The following DHRSX variants were observed in gnomAD, a reference collection of about 807,000 sequenced individuals.
The protein encoded by DHRSX is polyprenol dehydrogenase.
A neutral mutation model predicts 34.0 loss-of-function variants in DHRSX; 31 were observed. That is an observed-to-expected ratio of 0.91 (90% CI 0.69 to 1.23). The LOEUF (loss-of-function observed/expected upper bound fraction) is 1.23, where lower values mean the gene tolerates loss of function less well. Ranked by LOEUF, DHRSX falls within the 50% of genes most tolerant of loss-of-function variation. The probability of loss-of-function intolerance (pLI) is 0.00; values close to 1 mark genes in which losing one functional copy is unlikely to be tolerated. For missense variants in DHRSX, 414 were observed against 428.1 expected (o/e 0.97, Z 0.29); for synonymous variants, 201 against 183.8 (o/e 1.09, Z -0.76).
intron 3 of DHRSX, among the ~76,000 whole-genome samples, 184 bp from the exon 4 acceptor site, chrX:2,291,787 C>A (rs962635916): frequency 2.0e-5 from 3 of 151,928 alleles, no homozygotes; most frequent in Non-Finnish European, 4.4e-5. Context: ...GATCTCAGCT[C>A]ACTGCAGCCT....
chrX:2,408,634 T>C (rs1190455235), intron 3 of DHRSX, 111 bp downstream of exon 3: 25 of 917,890 alleles, frequency 2.7e-5, no homozygotes, highest in Non-Finnish European at 4.2e-5. Flanking sequence ...CAGAGCCATC[T>C]CTCCCAAATG....
At chrX:2,347,180 G>A (rs1369320155) in intron 3 of DHRSX, among the ~76,000 whole-genome samples, 1 of 152,190 alleles carries the variant, frequency 6.6e-6, no homozygotes, top group East Asian at 1.9e-4. Context: ...GTTCCACGTG[G>A]CTGGGGAAGC....
rs185920578 is a variant in DHRSX at position 2,266,729 on chromosome X, G to C, written c.596+11C>G. 1.5e-4 allele frequency: 236 copies of C among 1,613,536 alleles called. No homozygotes were observed. The African/African-American group carries it at 2.9e-3, about 20-fold the overall frequency. ...GAGATGCTGTTATGATTATTCACAG[G>C]GTGCACCTACCTGCTCTGAAGGTCA... is the stretch of plus-strand genomic sequence containing the variant. On this transcript the variant is annotated intron_variant, in intron 5 of 6. Coordinates refer to ENST00000334651, the MANE Select transcript of DHRSX (RefSeq NM_145177.3).
At chrX:2,446,319 A>C (rs2124671570) in intron 1 of DHRSX, among the ~76,000 whole-genome samples, 1 of 151,740 alleles carries the variant, frequency 6.6e-6, no homozygotes, top group South Asian at 2.1e-4. Flanking sequence ...TAGGCACTGA[A>C]GACATTCCCT....
chrX:2,382,501 CCAT>C (rs1399320680), intron 3 of DHRSX, among the ~76,000 whole-genome samples: 17 of 142,436 alleles, frequency 1.2e-4, no homozygotes, highest in African/African-American at 3.4e-4. Context: ...ATCATCATTA[CCAT>C]CATCACCATC....
chrX:2,296,349 G>T (rs1280760783), intron 3 of DHRSX, among the ~76,000 whole-genome samples: 2 of 152,142 alleles, frequency 1.3e-5, no homozygotes, highest in Non-Finnish European at 2.9e-5. Context: ...AGGGAGGGGA[G>T]GGAAGGAGAG....
At chrX:2,340,898 G>A (rs961404245) in intron 3 of DHRSX, among the ~76,000 whole-genome samples, 1 of 152,088 alleles carries the variant, frequency 6.6e-6, no homozygotes, top group African/African-American at 2.4e-5. Flanking sequence ...TGTTTTGCAG[G>A]TGGAGAGAAG....
At chrX:2,294,072 A>AGAGAGAG (rs1569484762) in intron 3 of DHRSX, among the ~76,000 whole-genome samples, 4 of 118,922 alleles carry the variant, frequency 3.4e-5, no homozygotes, top group African/African-American at 1.3e-4. Context: ...GAGAGAGAGA[A>AGAGAGAG]AGAGAGAAAG....
intron 3 of DHRSX, among the ~76,000 whole-genome samples, chrX:2,402,494 C>A (rs1296534122): frequency 6.6e-6 from 1 of 152,184 alleles, no homozygotes; most frequent in Non-Finnish European, 1.5e-5. Flanking sequence ...GAGGGCAGAC[C>A]CTGCCGTGTG....
At chrX:2,265,798 G>A (rs2041452564) in intron 5 of DHRSX, among the ~76,000 whole-genome samples, 1 of 142,558 alleles carries the variant, frequency 7.0e-6, no homozygotes, top group Non-Finnish European at 1.5e-5. Flanking sequence ...GAGCACCGGT[G>A]TCCAGCAGAC....
chrX:2,376,895 A>G (rs1473013783), intron 3 of DHRSX, among the ~76,000 whole-genome samples: 1 of 151,990 alleles, frequency 6.6e-6, no homozygotes, highest in African/African-American at 2.4e-5. Context: ...TCAGGAGGCT[A>G]AGGCAGGAGA....
chrX:2,240,934 C>G (rs1468489014), intron 6 of DHRSX, among the ~76,000 whole-genome samples: 1 of 152,148 alleles, frequency 6.6e-6, no homozygotes, highest in Non-Finnish European at 1.5e-5. Flanking sequence ...TATCCCAGCA[C>G]TTCGGGAGAC....
At chrX:2,450,022 T>C (rs995701866) in intron 1 of DHRSX, among the ~76,000 whole-genome samples, 1 of 152,058 alleles carries the variant, frequency 6.6e-6, no homozygotes, top group Non-Finnish European at 1.5e-5. Context: ...CGAATTACAC[T>C]GACGAAAACC....
chrX:2,370,159 G>T (rs1027272545), intron 3 of DHRSX, among the ~76,000 whole-genome samples: 2 of 149,076 alleles, frequency 1.3e-5, no homozygotes, highest in African/African-American at 2.4e-5. Context: ...CATTCCCCCA[G>T]TTTGAGGAGT....
At chrX:2,227,740 GA>G (rs1171770808) in intron 6 of DHRSX, among the ~76,000 whole-genome samples, 1 of 1,270 alleles carries the variant, frequency 7.9e-4, no homozygotes, top group African/African-American at 3.8e-3. Flanking sequence ...GGGAGGGAGG[GA>G]AGGATGGGAA....
At chrX:2,490,372 G>A (rs368610328) in intron 1 of DHRSX, 43 of 1,613,468 alleles carry the variant, frequency 2.7e-5, no homozygotes, top group Non-Finnish European at 3.4e-5. Flanking sequence ...TGTCGTAGCC[G>A]TGGCCGGCCT....
intron 4 of DHRSX, among the ~76,000 whole-genome samples, chrX:2,272,060 CCTGT>C (rs897941399): frequency 2.0e-5 from 3 of 151,716 alleles, no homozygotes; most frequent in African/African-American, 7.3e-5. Flanking sequence ...CATACCTGCA[CCTGT>C]CTGTTTCTTG....
intron 3 of DHRSX, among the ~76,000 whole-genome samples, chrX:2,303,340 A>G (rs1309352782): frequency 6.6e-6 from 1 of 152,220 alleles, no homozygotes; most frequent in South Asian, 2.1e-4. Context: ...TGATGGGATC[A>G]TGGAGGTGGA....
chrX:2,303,793 G>GTGGA (rs1569485711), intron 3 of DHRSX, among the ~76,000 whole-genome samples: 18 of 35,850 alleles, frequency 5.0e-4, no homozygotes, highest in Non-Finnish European at 6.2e-4. Context: ...GGATGGATGG[G>GTGGA]TGGGTGGGTG....
Sources: gnomAD v4.1 joint callset for allele counts (sites outside exome capture counted in the v4.1 genomes callset) on GRCh38, gnomAD v4.1.1 for gene constraint, MANE v1.5 for transcripts, NCBI Gene and HGNC (gene_info 2026-07-23, HGNC 2026-07-21) for gene names.